Variants in ARL6IP5 observed in about 807,000 individuals in gnomAD.
The protein encoded by ARL6IP5 is ARF like GTPase 6 interacting protein 5, also known as PRA1 family protein 3.
ARL6IP5 carries 6 observed loss-of-function variants against 13.0 expected under a neutral mutation model. The observed-to-expected ratio is 0.46, with a 90% CI of 0.25 to 0.91. The LOEUF (loss-of-function observed/expected upper bound fraction) is 0.91, where lower values mean the gene tolerates loss of function less well. Among genes scored for constraint, ARL6IP5 ranks in the 40% least tolerant of loss-of-function variants. The pLI is 0.17. For synonymous variants in ARL6IP5, 91 were observed against 91.9 expected, an observed-to-expected ratio of 0.99 and a Z score of 0.06; for missense variants, 208 against 248.8, an observed-to-expected ratio of 0.84 and a Z score of 1.10.
In ARL6IP5 at chr3:69,105,643, G is replaced by A. The variant is rs1179137184; in HGVS notation, c.*1007G>A. On this transcript the variant is annotated 3_prime_UTR_variant, in exon 3 of 3. Transcript: ENST00000273258. ...GTAATGAAAATGGAATGCAGCTACTGCAGCTAATAAAAAATTTTAGATAGC... is the reference window on the plus strand; with the variant it reads ...GTAATGAAAATGGAATGCAGCTACTACAGCTAATAAAAAATTTTAGATAGC... 1 of 152,186 alleles carries A rather than the reference G, an allele frequency of 6.6e-6. No homozygotes were observed. The highest frequency in any genetic ancestry group is 1.5e-5 in the Non-Finnish European group (1 of 68,028). 9.4% of individuals were successfully genotyped at this position (152,186 alleles called of 1,614,324 possible).
chr3:69,085,128 G>A lies in ARL6IP5; in HGVS notation c.81G>A (p.Arg27=). The A allele has an allele frequency of 6.2e-7, 1 of 1,614,176 alleles. No individual in the cohort carries two copies. Residue 27 remains arginine, a synonymous_variant, in exon 1 of 3, where the codon AGG becomes AGA. Transcript: ENST00000273258. ...GSDRFARPDF[R]DISKWNNRVV... ...ATCGCTTTGCCCGGCCGGACTTCAGGGACATTTCCAAATGGAACAACCGCG... is the reference window on the plus strand; with the variant it reads ...ATCGCTTTGCCCGGCCGGACTTCAGAGACATTTCCAAATGGAACAACCGCG...
chr3:69,085,100 C>T lies in ARL6IP5; in HGVS notation c.53C>T (p.Ser18Phe), dbSNP rs1229330926. Reference protein sequence around the residue: ...LRAWDDFFPGSDRFARPDFRD... With the variant: ...LRAWDDFFPGFDRFARPDFRD... ...GCCTGGGACGATTTCTTCCCGGGTT[C>T]CGATCGCTTTGCCCGGCCGGACTTC... The change falls in exon 1 of 3, where the codon TCC becomes TTC. Residue 18 changes from serine to phenylalanine, a missense_variant. Ser to Phe is a radical substitution (Grantham distance 155, BLOSUM62 -2). Transcript: ENST00000273258. 2 of 1,614,194 alleles carry T rather than the reference C, an allele frequency of 1.2e-6. No individual in the cohort carries two copies.
intron 1 of ARL6IP5, 39 bp from the exon 2 acceptor site, chr3:69,101,800 G>A (rs770017952): frequency 4.5e-6 from 7 of 1,547,908 alleles, no homozygotes; most frequent in Non-Finnish European, 5.3e-6. Context: ...TTCTATTGCT[G>A]AACTAGTCAC....
chr3:69,096,031 G>C lies in ARL6IP5; in HGVS notation c.177-5808G>C, dbSNP rs190542760. 1.2e-4 allele frequency among the ~76,000 whole-genome samples: 18 copies of C among 152,266 alleles called. 1 individual carries two copies. The highest frequency in any genetic ancestry group is 4.1e-4 in the South Asian group (2 of 4,828). On this transcript the variant is annotated intron_variant, in intron 1 of 2. Transcript: ENST00000273258. ...TAATCTGTAGAGGGTGTGTGTGTGTGTGTCTGTCTGTCTGTCTGTCTGTCT... is the reference window on the plus strand; with the variant it reads ...TAATCTGTAGAGGGTGTGTGTGTGTCTGTCTGTCTGTCTGTCTGTCTGTCT...
chr3:69,100,645 G>C (rs1282684752), intron 1 of ARL6IP5, among the ~76,000 whole-genome samples: 1 of 152,094 alleles, frequency 6.6e-6, no homozygotes, highest in East Asian at 1.9e-4. Context: ...GCTGGGCGTG[G>C]TGGCATGTAC....
chr3:69,099,192 G>A (rs1266786264), intron 1 of ARL6IP5, among the ~76,000 whole-genome samples: 1 of 148,726 alleles, frequency 6.7e-6, no homozygotes, highest in Non-Finnish European at 1.5e-5. Flanking sequence ...CCAACATGGT[G>A]AAACCCCGTC....
At chr3:69,102,283 T>C (rs1182233001) in intron 2 of ARL6IP5, 2 of 563,624 alleles carry the variant, frequency 3.5e-6, no homozygotes, top group Admixed American at 3.1e-5. Flanking sequence ...CAAATATTTG[T>C]TGGGGCATCT....
At chr3:69,099,107 A>G in intron 1 of ARL6IP5, among the ~76,000 whole-genome samples, 1 of 116,282 alleles carries the variant, frequency 8.6e-6, no homozygotes, top group African/African-American at 3.3e-5. Context: ...TGCCTGTAAT[A>G]GCACTTTGGG....
chr3:69,085,461 G>A (rs374428242), intron 1 of ARL6IP5, among the ~76,000 whole-genome samples: 5 of 152,304 alleles, frequency 3.3e-5, no homozygotes, highest in African/African-American at 1.2e-4. Flanking sequence ...AAGAGGACGG[G>A]GAAAATTTGC....
intron 1 of ARL6IP5, among the ~76,000 whole-genome samples, chr3:69,096,698 G>A (rs2092288343): frequency 6.6e-6 from 1 of 150,872 alleles, no homozygotes; most frequent in Admixed American, 6.6e-5. Context: ...CCGCCTCCCG[G>A]GTTCAAGCAA....
At chr3:69,100,977 G>T (rs7621394) in intron 1 of ARL6IP5, among the ~76,000 whole-genome samples, 9,681 of 151,868 alleles carry the variant, frequency 0.064, 758 homozygotes, top group East Asian at 0.32. Context: ...TGTTCCAGGA[G>T]AACAAGAAAT....
At chr3:69,092,439 A>G (rs775379584) in intron 1 of ARL6IP5, among the ~76,000 whole-genome samples, 3 of 152,170 alleles carry the variant, frequency 2.0e-5, no homozygotes, top group Non-Finnish European at 4.4e-5. Flanking sequence ...CAGCTCTGTA[A>G]GAATTTGCCA....
intron 1 of ARL6IP5, among the ~76,000 whole-genome samples, chr3:69,097,471 T>C (rs1297454476): frequency 6.6e-6 from 1 of 151,812 alleles, no homozygotes; most frequent in Non-Finnish European, 1.5e-5. Context: ...GCTACCACAC[T>C]GGCTTAGAAT....
At chr3:69,089,972 C>G (rs2092259922) in intron 1 of ARL6IP5, 1 of 407,418 alleles carries the variant, frequency 2.5e-6, no homozygotes, top group African/African-American at 2.1e-5. Flanking sequence ...TAAGGAGTTT[C>G]TAGAAGGCTG....
At chr3:69,094,328 C>A (rs368109208) in intron 1 of ARL6IP5, among the ~76,000 whole-genome samples, 21 of 152,344 alleles carry the variant, frequency 1.4e-4, no homozygotes, top group Admixed American at 4.6e-4. Context: ...ACCCCCTCAG[C>A]CAGGCACCAA....
rs2092242782 is a variant in ARL6IP5, at chr3:69,084,968, C to G, written c.-80C>G. ...CCGACCGAGACGGAGCCGCTGTCAA[C>G]TCTCCAACTCAGCTCAGCTGATCGG... is the stretch of plus-strand genomic sequence containing the variant. On this transcript the variant is annotated 5_prime_UTR_variant, in exon 1 of 3. Coordinates refer to ENST00000273258, the MANE Select transcript of ARL6IP5 (RefSeq NM_006407.4). The G allele has an allele frequency of 1.9e-5, 30 of 1,540,160 alleles. No individual in the cohort carries two copies. The highest frequency in any genetic ancestry group is 2.6e-5 in the Non-Finnish European group (30 of 1,140,894).
intron 2 of ARL6IP5, among the ~76,000 whole-genome samples, chr3:69,103,118 C>T (rs182952141): frequency 6.2e-4 from 95 of 152,274 alleles, no homozygotes; most frequent in African/African-American, 2.2e-3. Flanking sequence ...CATCCCATAC[C>T]CTATTGGATA....
At chr3:69,085,465 A>G (rs1318979283) in intron 1 of ARL6IP5, among the ~76,000 whole-genome samples, 3 of 152,114 alleles carry the variant, frequency 2.0e-5, no homozygotes, top group African/African-American at 7.2e-5. Flanking sequence ...GGACGGGGAA[A>G]ATTTGCCAGC....
intron 1 of ARL6IP5, among the ~76,000 whole-genome samples, chr3:69,099,740 A>G (rs1230735777): frequency 6.6e-6 from 1 of 152,106 alleles, no homozygotes; most frequent in Admixed American, 6.5e-5. Context: ...CAATGTTACT[A>G]TTCAGGGCAT....
Sources: gnomAD v4.1 joint callset for allele counts (sites outside exome capture counted in the v4.1 genomes callset) on GRCh38, gnomAD v4.1.1 for gene constraint, MANE v1.5 for transcripts, NCBI Gene and HGNC (gene_info 2026-07-23, HGNC 2026-07-21) for gene names.